Variants in ADAMTS3 observed in about 807,000 individuals in gnomAD.
ADAMTS3 encodes ADAM metallopeptidase with thrombospondin type 1 motif 3, also known as A disintegrin and metalloproteinase with thrombospondin motifs 3.
A neutral mutation model predicts 129.0 loss-of-function variants in ADAMTS3; 73 were observed. The ratio of observed to expected loss-of-function variants is 0.57; its 90% CI spans 0.47 to 0.69. The LOEUF is 0.69. Among genes scored for constraint, ADAMTS3 ranks in the 30% least tolerant of loss-of-function variants. ADAMTS3 has a pLI of 0.00. For missense variants in ADAMTS3, 1,457 were observed against 1,514.5 expected (o/e 0.96, Z 0.63); for synonymous variants, 477 against 510.8 (o/e 0.93, Z 0.89).
chr4:72,385,097 G>C (rs984790118), intron 4 of ADAMTS3, among the ~76,000 whole-genome samples: 1 of 151,800 alleles, frequency 6.6e-6, no homozygotes, highest in South Asian at 2.1e-4. Context: ...GGAGAATGGC[G>C]TGAACCTGGG....
chr4:72,398,965 T>A (rs749616496), intron 4 of ADAMTS3, among the ~76,000 whole-genome samples: 72 of 152,324 alleles, frequency 4.7e-4, no homozygotes, highest in Non-Finnish European at 8.2e-4. Flanking sequence ...GTAATTTTCA[T>A]CTACAAATTG....
intron 3 of ADAMTS3, among the ~76,000 whole-genome samples, chr4:72,478,133 T>C (rs1719297641): frequency 6.6e-6 from 1 of 152,204 alleles, no homozygotes; most frequent in African/African-American, 2.4e-5. Context: ...ACTGGTACCA[T>C]TCTTTCTGAA....
At chr4:72,489,648 T>C (rs939940233) in intron 3 of ADAMTS3, among the ~76,000 whole-genome samples, 5 of 151,942 alleles carry the variant, frequency 3.3e-5, no homozygotes, top group African/African-American at 1.2e-4. Context: ...GGCATTCACC[T>C]CACTTCATTT....
intron 4 of ADAMTS3, among the ~76,000 whole-genome samples, chr4:72,400,349 ATACGTGTGC>A (rs1361239744): frequency 6.9e-6 from 1 of 145,866 alleles, no homozygotes; most frequent in Non-Finnish European, 1.5e-5. Flanking sequence ...GTGTGTATAT[ATACGTGTGC>A]ATAGATATGC....
chr4:72,508,492 A>C (rs1041461546), intron 3 of ADAMTS3, among the ~76,000 whole-genome samples: 1 of 152,148 alleles, frequency 6.6e-6, no homozygotes, highest in Non-Finnish European at 1.5e-5. Flanking sequence ...TCTGATTTAA[A>C]TACGTTTCAT....
chr4:72,390,370 A>C (rs1721559953), intron 4 of ADAMTS3, among the ~76,000 whole-genome samples: 1 of 152,168 alleles, frequency 6.6e-6, no homozygotes, highest in Admixed American at 6.5e-5. Flanking sequence ...ACTTTATCTT[A>C]TTAATTCTCA....
At chr4:72,441,422 C>A (rs1023893561) in intron 3 of ADAMTS3, among the ~76,000 whole-genome samples, 2 of 151,732 alleles carry the variant, frequency 1.3e-5, no homozygotes, top group African/African-American at 2.4e-5. Context: ...ATCTGGGATA[C>A]AAGTTGTTTG....
At chr4:72,547,282 A>G (rs1415608279) in intron 3 of ADAMTS3, among the ~76,000 whole-genome samples, 1 of 152,202 alleles carries the variant, frequency 6.6e-6, no homozygotes, top group African/African-American at 2.4e-5. Flanking sequence ...ATATTGACTG[A>G]GAACAGGAAA....
At chr4:72,522,855 G>A (rs1434441281) in intron 3 of ADAMTS3, among the ~76,000 whole-genome samples, 1 of 152,192 alleles carries the variant, frequency 6.6e-6, no homozygotes, top group African/African-American at 2.4e-5. Context: ...TTGAAAAAAG[G>A]AAAGAAATAT....
intron 3 of ADAMTS3, among the ~76,000 whole-genome samples, chr4:72,545,387 C>T (rs184051894): frequency 6.6e-6 from 1 of 152,200 alleles, no homozygotes. Context: ...ACACTAGGTA[C>T]ATTCTGTCAG....
At chr4:72,447,261 C>G (rs1474626410) in intron 3 of ADAMTS3, among the ~76,000 whole-genome samples, 1 of 151,678 alleles carries the variant, frequency 6.6e-6, no homozygotes, top group African/African-American at 2.4e-5. Flanking sequence ...CCAGCATGAA[C>G]AAGCAAAAGG....
intron 3 of ADAMTS3, among the ~76,000 whole-genome samples, chr4:72,504,846 T>C (rs1720116181): frequency 6.6e-6 from 1 of 152,196 alleles, no homozygotes. Context: ...TTCTTCTTGG[T>C]AAAGCTACTT....
At chr4:72,517,256 A>T (rs1229771015) in intron 3 of ADAMTS3, among the ~76,000 whole-genome samples, 2 of 151,792 alleles carry the variant, frequency 1.3e-5, no homozygotes, top group Non-Finnish European at 2.9e-5. Context: ...TATTGAGGAG[A>T]TTTGCATCAA....
At chr4:72,326,888 T>C (rs952286199) in intron 5 of ADAMTS3, among the ~76,000 whole-genome samples, 1 of 152,124 alleles carries the variant, frequency 6.6e-6, no homozygotes. Flanking sequence ...TAAAAGCTAT[T>C]TCCAGCAGAT....
chr4:72,529,161 G>C (rs944603266), intron 3 of ADAMTS3, among the ~76,000 whole-genome samples: 14 of 152,158 alleles, frequency 9.2e-5, no homozygotes, highest in Non-Finnish European at 2.9e-5. Flanking sequence ...CAAAAGGCCA[G>C]AGGCAGGAAA....
intron 3 of ADAMTS3, among the ~76,000 whole-genome samples, chr4:72,540,484 C>T (rs1417325590): frequency 6.6e-6 from 1 of 152,186 alleles, no homozygotes; most frequent in Admixed American, 6.5e-5. Flanking sequence ...GAAATTCAAG[C>T]TCGCTGCAGA....
chr4:72,526,048 C>G (rs1223119639), intron 3 of ADAMTS3, among the ~76,000 whole-genome samples: 1 of 152,136 alleles, frequency 6.6e-6, no homozygotes, highest in Admixed American at 6.5e-5. Context: ...AAGGGCTTTA[C>G]CCAAAGCAGG....
chr4:72,308,179 T>A (rs978008673), intron 15 of ADAMTS3, among the ~76,000 whole-genome samples: 1 of 152,048 alleles, frequency 6.6e-6, no homozygotes, highest in Non-Finnish European at 1.5e-5. Context: ...AATACACGTA[T>A]ATAATTATAT....
intron 2 of ADAMTS3, among the ~76,000 whole-genome samples, chr4:72,566,234 A>G (rs1310788972): frequency 6.6e-6 from 1 of 152,194 alleles, no homozygotes; most frequent in Non-Finnish European, 1.5e-5. Context: ...ATTTTGATAT[A>G]TGCTCATATA....
Sources: allele counts gnomAD v4.1 joint callset (sites outside exome capture counted in the v4.1 genomes callset), GRCh38; gene constraint gnomAD v4.1.1; transcripts MANE v1.5; gene names NCBI Gene and HGNC (gene_info 2026-07-23, HGNC 2026-07-21).